TBL1X: variants seen among roughly 807,000 people sequenced by gnomAD.
TBL1X encodes the protein transducin beta like 1 X-linked, also known as F-box-like/WD repeat-containing protein TBL1X.
A neutral mutation model predicts 50.7 loss-of-function variants in TBL1X; 10 were observed. That is an observed-to-expected ratio of 0.20 (90% CI 0.12 to 0.33). The LOEUF is 0.33. TBL1X is among the 10% of genes least tolerant of loss of function. The pLI, the probability that TBL1X is intolerant of heterozygous loss-of-function variation, is 1.00. For missense variants in TBL1X, 340 were observed against 504.4 expected (o/e 0.67, Z 3.12); for synonymous variants, 190 against 214.7 (o/e 0.88, Z 1.01).
chrX:9,637,470 A>T (rs1842198256), intron 2 of TBL1X: 1 of 112,320 alleles, frequency 8.9e-6, no homozygotes, highest in Non-Finnish European at 1.9e-5. Context: ...TACATCTTTC[A>T]TTCATTAAGC....
intron 2 of TBL1X, among the ~76,000 whole-genome samples, chrX:9,559,970 G>A (rs986894636): frequency 4.5e-5 from 5 of 111,496 alleles, no homozygotes; most frequent in South Asian, 7.5e-4. Context: ...AATGCCCTCC[G>A]GTTTATAGTT....
At chrX:9,551,370 C>T (rs1309852487) in intron 2 of TBL1X, among the ~76,000 whole-genome samples, 6 of 110,648 alleles carry the variant, frequency 5.4e-5, no homozygotes, top group Non-Finnish European at 9.5e-5. Context: ...GCGGCGAACA[C>T]GTTCTCATGC....
chrX:9,632,172 A>G (rs2082724849), intron 2 of TBL1X, among the ~76,000 whole-genome samples: 1 of 111,615 alleles, frequency 9.0e-6, no homozygotes, highest in South Asian at 3.7e-4. Context: ...GGGGTTTTCT[A>G]TGCTGTTTAT....
intron 3 of TBL1X, among the ~76,000 whole-genome samples, chrX:9,643,723 T>A (rs1007621706): frequency 9.0e-6 from 1 of 110,631 alleles, no homozygotes; most frequent in African/African-American, 3.3e-5. Context: ...TAGCCAGAGG[T>A]GGTAACACAT....
intron 2 of TBL1X, among the ~76,000 whole-genome samples, chrX:9,556,294 A>G (rs2082299180): frequency 9.0e-6 from 1 of 111,071 alleles, no homozygotes; most frequent in African/African-American, 3.3e-5. Context: ...GAGAAGGTGG[A>G]TTAGTTTCTG....
intron 2 of TBL1X, among the ~76,000 whole-genome samples, chrX:9,614,861 T>C (rs2082631739): frequency 8.9e-6 from 1 of 112,111 alleles, no homozygotes; most frequent in African/African-American, 3.2e-5. Context: ...GCTTTGTTTA[T>C]GTGATGAAAA....
At chrX:9,642,785 G>T (rs2082782779) in intron 3 of TBL1X, among the ~76,000 whole-genome samples, 1 of 112,762 alleles carries the variant, frequency 8.9e-6, no homozygotes, top group African/African-American at 3.2e-5. Flanking sequence ...TGCCATTGCA[G>T]TGTGAAAGCA....
intron 2 of TBL1X, among the ~76,000 whole-genome samples, chrX:9,600,151 G>A (rs145539549): frequency 7.2e-5 from 8 of 111,227 alleles, no homozygotes; most frequent in African/African-American, 1.3e-4. Context: ...AGTCTGATCC[G>A]GCTGCTGTAA....
intron 1 of TBL1X, among the ~76,000 whole-genome samples, chrX:9,501,269 G>C (rs752931103): frequency 2.9e-4 from 33 of 111,922 alleles, no homozygotes; most frequent in Non-Finnish European, 3.6e-4. Context: ...GATTGACTTT[G>C]GAGTTTGACA....
Position 9,605,979 on chromosome X carries a change from A to G in TBL1X, c.-130-34294A>G, listed in dbSNP as rs186201856. On this transcript the variant is annotated intron_variant, in intron 2 of 17. Coordinates refer to ENST00000645353, the MANE Select transcript of TBL1X (RefSeq NM_005647.4). The stretch of plus-strand genomic sequence containing the variant: ...CCAAAACTCAGCAGGTGAAAACTAC[A>G]AACGTTAATGATCTCACACAGGTTC... 2.8e-3 allele frequency among the ~76,000 whole-genome samples: 316 copies of G among 112,413 alleles called. 7 individuals carry two copies. The highest frequency in any genetic ancestry group is 0.026 in the Admixed American group (272 of 10,647).
chrX:9,693,080 C>T (rs2083108935), intron 9 of TBL1X, 69 bp from the exon 10 acceptor site: 1 of 1,131,290 alleles, frequency 8.8e-7, no homozygotes, highest in Non-Finnish European at 1.2e-6. Flanking sequence ...CGGAGAGGCT[C>T]TCCGAGCTGC....
At chrX:9,479,870 A>G (rs2081870179) in intron 1 of TBL1X, among the ~76,000 whole-genome samples, 1 of 111,456 alleles carries the variant, frequency 9.0e-6, no homozygotes, top group African/African-American at 3.3e-5. Flanking sequence ...GAAAGTTAAG[A>G]TTGTAACACG....
At chrX:9,575,199 C>T (rs1055582005) in intron 2 of TBL1X, among the ~76,000 whole-genome samples, 3 of 110,867 alleles carry the variant, frequency 2.7e-5, no homozygotes, top group Non-Finnish European at 3.8e-5. Flanking sequence ...CATTAGATCT[C>T]GTGAGAACTC....
At chrX:9,531,645 C>A (rs1200343380) in intron 2 of TBL1X, among the ~76,000 whole-genome samples, 1 of 110,327 alleles carries the variant, frequency 9.1e-6, no homozygotes, top group Admixed American at 9.7e-5. Flanking sequence ...TGGCTCATGT[C>A]TGTAATACCA....
chrX:9,678,840 T>C, intron 5 of TBL1X, among the ~76,000 whole-genome samples: 1 of 111,802 alleles, frequency 8.9e-6, no homozygotes, highest in East Asian at 2.8e-4. Flanking sequence ...ACGCAATACA[T>C]GTACTTGGTT....
rs1345245282 is a variant in TBL1X, at chrX:9,711,789, C to G, written c.1605+13C>G. 8.5e-7 allele frequency: 1 copy of G among 1,175,585 alleles called. No homozygotes were observed. Among genetic ancestry groups the G allele is most frequent in the Non-Finnish European group, 1.1e-6 (1 of 875,268 alleles). ...CTGGAATACTCAGGTAAGCTCCCGACCCCTACACCAAATCCTTTTAGTAAG... is the reference window on the plus strand; with the variant it reads ...CTGGAATACTCAGGTAAGCTCCCGAGCCCTACACCAAATCCTTTTAGTAAG... On this transcript the variant is annotated intron_variant, in intron 16 of 17. Coordinates refer to ENST00000645353, the MANE Select transcript of TBL1X (RefSeq NM_005647.4).
At chrX:9,710,988 G>A (rs1292188522) in intron 15 of TBL1X, among the ~76,000 whole-genome samples, 1 of 112,025 alleles carries the variant, frequency 8.9e-6, no homozygotes, top group African/African-American at 3.2e-5. Flanking sequence ...AATTGTAGGG[G>A]CATTTTAGGA....
chrX:9,669,937 A>C lies in TBL1X; in HGVS notation c.212-14106A>C, dbSNP rs190442535. Among the ~76,000 whole-genome samples the C allele has an allele frequency of 2.5e-3, 278 of 111,861 alleles. 2 individuals carry two copies. The highest frequency in any genetic ancestry group is 8.5e-3 in the African/African-American group (262 of 30,817). ...TGGCTGACTGTCTTGCTTCTAGCTC[A>C]CAGGTTGACTGTCTTTGCTCATTCC... On this transcript the variant is annotated intron_variant, in intron 5 of 17. Transcript: ENST00000645353.
At chrX:9,628,088 AT>A (rs1326355029) in intron 2 of TBL1X, among the ~76,000 whole-genome samples, 2 of 112,748 alleles carry the variant, frequency 1.8e-5, no homozygotes, top group African/African-American at 6.4e-5. Flanking sequence ...TTAAGAATAC[AT>A]TTCTGCTGAA....
Sources: gnomAD v4.1 joint callset for allele counts (sites outside exome capture counted in the v4.1 genomes callset) on GRCh38, gnomAD v4.1.1 for gene constraint, MANE v1.5 for transcripts, NCBI Gene and HGNC (gene_info 2026-07-23, HGNC 2026-07-21) for gene names.